The following ZMAT4 variants were observed in gnomAD, a reference collection of about 807,000 sequenced individuals.
ZMAT4 encodes the protein zinc finger matrin-type protein 4.
In ZMAT4, 17 loss-of-function variants were observed where a neutral mutation model predicts 28.7. The ratio of observed to expected loss-of-function variants is 0.59; its 90% confidence interval spans 0.41 to 0.89. The LOEUF is 0.89. Ranked by LOEUF, ZMAT4 falls within the 40% of genes least tolerant of loss-of-function variation. ZMAT4 has a pLI of 0.00. For missense variants in ZMAT4, 240 were observed against 283.8 expected (o/e 0.85, Z 1.11); for synonymous variants, 117 against 109.2 (o/e 1.07, Z -0.44).
intron 5 of ZMAT4, among the ~76,000 whole-genome samples, chr8:40,631,867 T>C (rs756468140): frequency 6.6e-6 from 1 of 152,212 alleles, no homozygotes; most frequent in Non-Finnish European, 1.5e-5. Flanking sequence ...CCCTGAGATA[T>C]GGCAATCCAT....
At chr8:40,626,212 T>C (rs77222723) in intron 5 of ZMAT4, among the ~76,000 whole-genome samples, 1,545 of 151,014 alleles carry the variant, frequency 0.01, 22 homozygotes, top group African/African-American at 0.036. Context: ...TAAGGAGAAA[T>C]CCCTGAGGCA....
At chr8:40,747,820 G>C (rs1812301061) in intron 3 of ZMAT4, among the ~76,000 whole-genome samples, 1 of 151,940 alleles carries the variant, frequency 6.6e-6, no homozygotes, top group Non-Finnish European at 1.5e-5. Flanking sequence ...TCATTTCTGG[G>C]GTTGCTAATG....
intron 1 of ZMAT4, among the ~76,000 whole-genome samples, chr8:40,863,956 G>T (rs1471662429): frequency 6.6e-6 from 1 of 152,168 alleles, no homozygotes; most frequent in Non-Finnish European, 1.5e-5. Context: ...TAGAAAATGG[G>T]AATGTACTTT....
intron 5 of ZMAT4, among the ~76,000 whole-genome samples, chr8:40,616,961 G>A (rs938915196): frequency 2.0e-5 from 3 of 150,992 alleles, no homozygotes; most frequent in African/African-American, 7.3e-5. Context: ...CTAATAGCCA[G>A]AGTGAAGAAG....
chr8:40,681,466 AAGTTAGAT>A, intron 4 of ZMAT4, among the ~76,000 whole-genome samples: 1 of 152,210 alleles, frequency 6.6e-6, no homozygotes, highest in East Asian at 1.9e-4. Context: ...ACCAACAGTA[AAGTTAGAT>A]TAGATCATTC....
intron 5 of ZMAT4, among the ~76,000 whole-genome samples, chr8:40,646,863 T>A (rs940410589): frequency 2.0e-5 from 3 of 152,168 alleles, no homozygotes; most frequent in Admixed American, 1.3e-4. Flanking sequence ...CTTAGAGACA[T>A]CTGTAGAACA....
At chr8:40,786,659 C>T (rs1395581881) in intron 2 of ZMAT4, 1 of 1,275,844 alleles carries the variant, frequency 7.8e-7, no homozygotes, top group Non-Finnish European at 1.0e-6. Flanking sequence ...ATTAACCATC[C>T]TCATTCAGTC....
chr8:40,830,343 C>T (rs1324722501), intron 1 of ZMAT4, among the ~76,000 whole-genome samples: 2 of 152,184 alleles, frequency 1.3e-5, no homozygotes, highest in Non-Finnish European at 2.9e-5. Flanking sequence ...CTCTTTCCCG[C>T]TTTTGGAGCC....
intron 5 of ZMAT4, among the ~76,000 whole-genome samples, chr8:40,601,634 GAGAAAGAAAGAAAGAA>G (rs1203644702): frequency 2.2e-4 from 6 of 26,888 alleles, no homozygotes; most frequent in African/African-American, 5.8e-4. Flanking sequence ...AAGAAAGAAA[GAGAAAGAAAGAAAGAA>G]AGAAAGAAAG....
chr8:40,581,283 G>A (rs1388330896), intron 5 of ZMAT4, 22 bp from the exon 6 acceptor site: 7 of 1,602,924 alleles, frequency 4.4e-6, no homozygotes, highest in Non-Finnish European at 6.0e-6. Context: ...AGACAGACCT[G>A]GTTAGCTGCA....
chr8:40,567,245 G>A (rs530837748), intron 6 of ZMAT4, among the ~76,000 whole-genome samples: 2 of 152,150 alleles, frequency 1.3e-5, no homozygotes, highest in East Asian at 1.9e-4. Context: ...GGCATGAAAT[G>A]GACTGAGATT....
chr8:40,767,371 G>C (rs1489297445), intron 3 of ZMAT4, among the ~76,000 whole-genome samples: 1 of 151,974 alleles, frequency 6.6e-6, no homozygotes, highest in Non-Finnish European at 1.5e-5. Flanking sequence ...ACCCAGCCTT[G>C]CTCTCTGCCC....
At chr8:40,829,464 G>T (rs1271293324) in intron 1 of ZMAT4, among the ~76,000 whole-genome samples, 1 of 152,196 alleles carries the variant, frequency 6.6e-6, no homozygotes, top group Non-Finnish European at 1.5e-5. Flanking sequence ...ACAGATCCAT[G>T]TGTATAGCAG....
chr8:40,818,694 G>A (rs1815636996), intron 2 of ZMAT4, among the ~76,000 whole-genome samples: 1 of 152,212 alleles, frequency 6.6e-6, no homozygotes, highest in African/African-American at 2.4e-5. Flanking sequence ...CAGGGTAGGT[G>A]TGGGCCTAGC....
At chr8:40,816,455 C>A (rs897213124) in intron 2 of ZMAT4, among the ~76,000 whole-genome samples, 4 of 151,994 alleles carry the variant, frequency 2.6e-5, no homozygotes, top group African/African-American at 7.3e-5. Context: ...CCTTGTCTAA[C>A]GTAGATATTG....
chr8:40,788,568 C>T (rs373097842), intron 2 of ZMAT4, among the ~76,000 whole-genome samples: 17 of 152,074 alleles, frequency 1.1e-4, no homozygotes, highest in Non-Finnish European at 2.2e-4. Context: ...AGCTGGGTGA[C>T]AGAAATTAAA....
intron 5 of ZMAT4, among the ~76,000 whole-genome samples, chr8:40,607,602 C>T (rs7843803): frequency 0.14 from 20,724 of 151,808 alleles, 1,915 homozygotes; most frequent in African/African-American, 0.27. Context: ...GTTAAAGCAC[C>T]TTGTTTAGTC....
intron 1 of ZMAT4, among the ~76,000 whole-genome samples, chr8:40,853,976 T>A (rs1360689193): frequency 6.6e-6 from 1 of 152,174 alleles, no homozygotes; most frequent in Admixed American, 6.6e-5. Flanking sequence ...TAGTGAGGCT[T>A]CAGGACACTT....
chr8:40,599,665 T>C (rs1300241674), intron 5 of ZMAT4, among the ~76,000 whole-genome samples: 3 of 152,266 alleles, frequency 2.0e-5, no homozygotes, highest in Non-Finnish European at 4.4e-5. Flanking sequence ...CGGAAGCAGA[T>C]GGCCTTGCTG....
Sources: gnomAD v4.1 joint callset for allele counts (sites outside exome capture counted in the v4.1 genomes callset) on GRCh38, gnomAD v4.1.1 for gene constraint, MANE v1.5 for transcripts, NCBI Gene and HGNC (gene_info 2026-07-23, HGNC 2026-07-21) for gene names.